The following TENM3 variants were observed in gnomAD, a reference collection of about 807,000 sequenced individuals.
TENM3 encodes teneurin-3.
A neutral mutation model predicts 255.1 loss-of-function variants in TENM3; 63 were observed. The observed-to-expected ratio is 0.25, with a 90% CI of 0.20 to 0.30. The LOEUF (loss-of-function observed/expected upper bound fraction) is 0.30, where lower values mean the gene tolerates loss of function less well. Among genes scored for constraint, TENM3 ranks in the 10% least tolerant of loss-of-function variants. The probability of loss-of-function intolerance (pLI) is 1.00; values close to 1 mark genes in which losing one functional copy is unlikely to be tolerated. For missense variants in TENM3, 2,929 were observed against 3,461.1 expected (o/e 0.85, Z 3.86); for synonymous variants, 1,306 against 1,322.3 (o/e 0.99, Z 0.27).
the TENM3 span, among the ~76,000 whole-genome samples, chr4:181,546,610 A>T: frequency 7.1e-6 from 1 of 140,032 alleles, no homozygotes; most frequent in East Asian, 2.2e-4. Flanking sequence ...GCTACTCGGG[A>T]GGCTGAGGCA....
At chr4:181,590,497 A>T in the TENM3 span, among the ~76,000 whole-genome samples, 5 of 152,160 alleles carry the variant, frequency 3.3e-5, no homozygotes, top group South Asian at 6.2e-4. Context: ...CTTACCGAGG[A>T]AGGGTCAAGA....
chr4:182,456,800 G>A (rs1008127886), intron 3 of TENM3, among the ~76,000 whole-genome samples: 3 of 152,136 alleles, frequency 2.0e-5, no homozygotes, highest in Non-Finnish European at 4.4e-5. Flanking sequence ...TTTTGCCGTC[G>A]AGAGATTTAC....
the TENM3 span, among the ~76,000 whole-genome samples, chr4:181,697,804 A>C: frequency 6.6e-6 from 1 of 152,254 alleles, no homozygotes; most frequent in East Asian, 1.9e-4. Flanking sequence ...TGAATGTGTT[A>C]ATTTCTAAAA....
At chr4:181,706,547 A>C in the TENM3 span, among the ~76,000 whole-genome samples, 1 of 152,202 alleles carries the variant, frequency 6.6e-6, no homozygotes, top group South Asian at 2.1e-4. Context: ...CATCCCACTG[A>C]TGGGTAGGAT....
intron 1 of TENM3, among the ~76,000 whole-genome samples, chr4:182,228,355 G>A (rs1756323491): frequency 1.7e-5 from 1 of 60,534 alleles, no homozygotes; most frequent in South Asian, 4.5e-4. Context: ...ATAATGTAAT[G>A]TAATGTGTGT....
At position 182,801,338 on chromosome 4, in the gene TENM3, CT is replaced by C. The variant is rs1766955457; in HGVS notation, c.*990del. On this transcript the variant is annotated 3_prime_UTR_variant, in exon 28 of 28. Coordinates refer to ENST00000511685, the MANE Select transcript of TENM3 (RefSeq NM_001080477.4). ...AGGTGGGTGGCGAATCAGAGAGCTC[CT>C]TTCTCTTCCCTCTCTCACGCATCAG... 1 of 152,214 alleles carries C rather than the reference CT, an allele frequency of 6.6e-6. No homozygotes were observed. The highest frequency in any genetic ancestry group is 2.4e-5 in the African/African-American group (1 of 41,432). The allele number at this position is 152,214 out of a possible 1,614,324, so 9.4% of individuals were successfully genotyped here.
chr4:182,065,087 T>C, the TENM3 span, among the ~76,000 whole-genome samples: 4 of 149,308 alleles, frequency 2.7e-5, no homozygotes, highest in African/African-American at 7.4e-5. Flanking sequence ...CAGGCTGGAG[T>C]GCAGTGGTGC....
At chr4:181,819,773 C>T in the TENM3 span, among the ~76,000 whole-genome samples, 3 of 152,148 alleles carry the variant, frequency 2.0e-5, no homozygotes, top group South Asian at 2.1e-4. Context: ...TGACAGGAGG[C>T]GGAGCTCAGG....
chr4:182,528,372 G>A (rs565318147), intron 3 of TENM3, among the ~76,000 whole-genome samples: 3 of 152,262 alleles, frequency 2.0e-5, no homozygotes, highest in African/African-American at 7.2e-5. Flanking sequence ...TCTCTGTGGC[G>A]CAGGGGTTTC....
the TENM3 span, among the ~76,000 whole-genome samples, chr4:181,985,702 C>A: frequency 2.6e-5 from 4 of 152,084 alleles, no homozygotes; most frequent in African/African-American, 9.7e-5. Context: ...AAACAATGAG[C>A]AATTCAAAGC....
chr4:182,678,976 C>T (rs1661461824), intron 7 of TENM3, among the ~76,000 whole-genome samples: 1 of 152,152 alleles, frequency 6.6e-6, no homozygotes, highest in Non-Finnish European at 1.5e-5. Context: ...AAACCAAACG[C>T]CGCATGTTCT....
chr4:181,602,204 A>T, the TENM3 span, among the ~76,000 whole-genome samples: 1 of 152,188 alleles, frequency 6.6e-6, no homozygotes, highest in African/African-American at 2.4e-5. Flanking sequence ...CAACTTTATG[A>T]GATAAAGTGT....
chr4:182,234,251 G>A (rs2150030846), intron 1 of TENM3, among the ~76,000 whole-genome samples: 1 of 152,290 alleles, frequency 6.6e-6, no homozygotes, highest in South Asian at 2.1e-4. Context: ...CATCCACAGA[G>A]CGAGTGGCCC....
the TENM3 span, among the ~76,000 whole-genome samples, chr4:181,841,220 T>C: frequency 6.6e-6 from 1 of 152,134 alleles, no homozygotes; most frequent in Admixed American, 6.5e-5. Context: ...ATATAATAAA[T>C]ACTCTTCTTT....
the TENM3 span, among the ~76,000 whole-genome samples, chr4:181,505,695 TC>T: frequency 6.6e-6 from 1 of 152,174 alleles, no homozygotes; most frequent in Admixed American, 6.5e-5. Context: ...GACCAAGCTC[TC>T]TAAATTTAAT....
chr4:182,762,878 C>T (rs1038556159), intron 22 of TENM3, among the ~76,000 whole-genome samples: 2 of 151,794 alleles, frequency 1.3e-5, no homozygotes, highest in Non-Finnish European at 2.9e-5. Context: ...CCTCCCCTAC[C>T]CCATCATCAC....
At chr4:182,743,764 G>T (rs1186972917) in intron 19 of TENM3, among the ~76,000 whole-genome samples, 1 of 152,030 alleles carries the variant, frequency 6.6e-6, no homozygotes, top group Non-Finnish European at 1.5e-5. Flanking sequence ...TTTCATAGTG[G>T]TTGAAATTAA....
chr4:182,503,122 GTAAGTCCCCAAATC>G (rs1736483055), intron 3 of TENM3, among the ~76,000 whole-genome samples: 1 of 152,052 alleles, frequency 6.6e-6, no homozygotes, highest in African/African-American at 2.4e-5. Flanking sequence ...CTGCCTTCCA[GTAAGTCCCCAAATC>G]TCCCTCATTC....
the TENM3 span, among the ~76,000 whole-genome samples, chr4:181,771,093 C>A: frequency 1.3e-5 from 2 of 152,164 alleles, no homozygotes; most frequent in South Asian, 2.1e-4. Flanking sequence ...ATGCAGAGAA[C>A]AAGATGTTAT....
Sources: gnomAD v4.1 joint callset for allele counts (sites outside exome capture counted in the v4.1 genomes callset) on GRCh38, gnomAD v4.1.1 for gene constraint, MANE v1.5 for transcripts, NCBI Gene and HGNC (gene_info 2026-07-23, HGNC 2026-07-21) for gene names.